The following ASTN2 variants were observed in gnomAD, a reference collection of about 807,000 sequenced individuals.
ASTN2 encodes astrotactin 2.
In ASTN2, 54 loss-of-function variants were observed where a neutral mutation model predicts 139.8. The ratio of observed to expected loss-of-function variants is 0.39; its 90% CI spans 0.31 to 0.48. ASTN2 has a LOEUF of 0.48. ASTN2 is among the 20% of genes least tolerant of loss of function. ASTN2 has a pLI of 0.95. For synonymous variants in ASTN2, 756 were observed against 719.5 expected (o/e 1.05, Z -0.81); for missense variants, 1,565 against 1,725.1 (o/e 0.91, Z 1.64).
rs16934072 is a variant in ASTN2, at chr9:116,942,211, C to T, written c.1889+32997G>A. Among the ~76,000 whole-genome samples, 1,344 of 152,108 alleles carry T rather than the reference C, an allele frequency of 8.8e-3. 29 individuals carry two copies. Among genetic ancestry groups the T allele is most frequent in the African/African-American group, 0.031 (1,273 of 41,500 alleles). ...GGGATAAGATTATTATCACTCAGGCCCTCAGATCTCAGTGCTGATAAGTTC... is the reference window on the plus strand; with the variant it reads ...GGGATAAGATTATTATCACTCAGGCTCTCAGATCTCAGTGCTGATAAGTTC... On this transcript the variant is annotated intron_variant, in intron 10 of 22. Transcript: ENST00000313400.
intron 10 of ASTN2, among the ~76,000 whole-genome samples, chr9:116,918,338 G>C (rs1482884605): frequency 1.3e-5 from 2 of 152,108 alleles, no homozygotes; most frequent in African/African-American, 4.8e-5. Context: ...GAGGGCACAG[G>C]GGGCAGCCTC....
intron 10 of ASTN2, among the ~76,000 whole-genome samples, chr9:116,969,823 A>C (rs1836133190): frequency 6.6e-6 from 1 of 152,174 alleles, no homozygotes; most frequent in Non-Finnish European, 1.5e-5. Flanking sequence ...CCCACCTCCA[A>C]AATACCTAAT....
chr9:117,045,987 C>CGTACGTACGTACGTAT (rs1554772764), intron 5 of ASTN2, among the ~76,000 whole-genome samples: 11 of 141,914 alleles, frequency 7.8e-5, no homozygotes, highest in African/African-American at 2.9e-4. Context: ...TATGTACGTA[C>CGTACGTACGTACGTAT]GTACGTATGT....
intron 19 of ASTN2, among the ~76,000 whole-genome samples, chr9:116,516,860 C>T (rs1357637877): frequency 6.6e-6 from 1 of 152,158 alleles, no homozygotes; most frequent in Non-Finnish European, 1.5e-5. Context: ...CCCCTACTTC[C>T]CTGGTGACCT....
intron 3 of ASTN2, among the ~76,000 whole-genome samples, chr9:117,156,605 A>C (rs970207797): frequency 6.6e-6 from 1 of 152,020 alleles, no homozygotes. Flanking sequence ...TTATTTTATG[A>C]ATCTACATCT....
At chr9:116,877,317 T>A (rs976579127) in intron 10 of ASTN2, among the ~76,000 whole-genome samples, 3 of 152,202 alleles carry the variant, frequency 2.0e-5, no homozygotes, top group Admixed American at 2.0e-4. Context: ...AGTGTGGGTT[T>A]TTTTTTGGCT....
intron 19 of ASTN2, among the ~76,000 whole-genome samples, chr9:116,518,807 G>C (rs1850754812): frequency 6.6e-6 from 1 of 152,032 alleles, no homozygotes; most frequent in Non-Finnish European, 1.5e-5. Flanking sequence ...TAAAGGGGTG[G>C]AAAAAGATAT....
At chr9:116,700,913 TAATC>T (rs1240486285) in intron 16 of ASTN2, 2 of 167,034 alleles carry the variant, frequency 1.2e-5, no homozygotes, top group African/African-American at 4.8e-5. Context: ...GTAAAGATAA[TAATC>T]CAAATCTTTC....
chr9:116,983,630 C>T (rs1194110151), intron 7 of ASTN2, among the ~76,000 whole-genome samples: 7 of 152,212 alleles, frequency 4.6e-5, no homozygotes, highest in African/African-American at 1.4e-4. Flanking sequence ...CGCTTCTTTG[C>T]AGTGGTTAAT....
chr9:117,293,652 T>G (rs1162372803), intron 1 of ASTN2, among the ~76,000 whole-genome samples: 1 of 152,138 alleles, frequency 6.6e-6, no homozygotes, highest in Non-Finnish European at 1.5e-5. Context: ...CATCCCAGGC[T>G]GGGGTGATCT....
At chr9:117,106,334 C>T (rs544371752) in intron 4 of ASTN2, among the ~76,000 whole-genome samples, 1 of 151,998 alleles carries the variant, frequency 6.6e-6, no homozygotes, top group South Asian at 2.1e-4. Flanking sequence ...TCAAGCTATT[C>T]TTGTGCGTCA....
intron 3 of ASTN2, among the ~76,000 whole-genome samples, chr9:117,200,941 C>T (rs1345172066): frequency 6.7e-6 from 1 of 150,058 alleles, no homozygotes; most frequent in Non-Finnish European, 1.5e-5. Flanking sequence ...GGAATGGTAC[C>T]AGCTCCTCTT....
chr9:117,088,342 G>C (rs1828621075), intron 5 of ASTN2, among the ~76,000 whole-genome samples: 1 of 152,144 alleles, frequency 6.6e-6, no homozygotes, highest in South Asian at 2.1e-4. Flanking sequence ...CTCTTCCACA[G>C]ATGCTCAGCT....
At chr9:117,012,190 T>A (rs1299889304) in intron 6 of ASTN2, among the ~76,000 whole-genome samples, 2 of 152,172 alleles carry the variant, frequency 1.3e-5, no homozygotes, top group Non-Finnish European at 2.9e-5. Flanking sequence ...CACGTTGATC[T>A]CACAGTTTAA....
chr9:116,687,077 G>C (rs1285858614), intron 16 of ASTN2: 2 of 1,233,494 alleles, frequency 1.6e-6, no homozygotes, highest in South Asian at 2.0e-5. Flanking sequence ...GAGTGAACTT[G>C]AGCAGGTCCC....
chr9:116,757,564 C>A (rs1829566095), intron 13 of ASTN2, among the ~76,000 whole-genome samples: 1 of 152,112 alleles, frequency 6.6e-6, no homozygotes, highest in African/African-American at 2.4e-5. Flanking sequence ...TGGTGAGACA[C>A]AATGTCACAA....
intron 17 of ASTN2, among the ~76,000 whole-genome samples, chr9:116,627,395 G>T (rs79486816): frequency 0.019 from 2,967 of 152,200 alleles, 85 homozygotes; most frequent in Non-Finnish European, 0.023. Context: ...ACATGAAGCT[G>T]GTCCTCACAA....
chr9:116,743,129 CTGTT>C (rs1318488984), intron 13 of ASTN2, among the ~76,000 whole-genome samples: 1 of 152,114 alleles, frequency 6.6e-6, no homozygotes, highest in Non-Finnish European at 1.5e-5. Context: ...GTAGGGGAGA[CTGTT>C]TGGTAAGGGG....
At position 116,699,524 on chromosome 9, in the gene ASTN2, T is replaced by C; in HGVS notation, c.2806+26247A>G. ...GTGGTGATCTCATCGTGGCTGACAGTAGTCGCAAGGAAATTCTCCATTTTC... is the reference window on the plus strand; with the variant it reads ...GTGGTGATCTCATCGTGGCTGACAGCAGTCGCAAGGAAATTCTCCATTTTC... On this transcript the variant is annotated intron_variant, in intron 16 of 22. Transcript: ENST00000313400. The surrounding 1 kb of genome is among the most constrained non-coding windows in gnomAD (Gnocchi z 4.2). The C allele has an allele frequency of 1.9e-6, 3 of 1,614,172 alleles. No homozygotes were observed. Among genetic ancestry groups the C allele is most frequent in the Middle Eastern group, 1.6e-4 (1 of 6,062 alleles).
Sources: allele counts gnomAD v4.1 joint callset (sites outside exome capture counted in the v4.1 genomes callset), GRCh38; gene constraint gnomAD v4.1.1; non-coding constraint Gnocchi (gnomAD v3.1); transcripts MANE v1.5; gene names NCBI Gene and HGNC (gene_info 2026-07-23, HGNC 2026-07-21).